TEK: variants seen among roughly 807,000 people sequenced by gnomAD.
TEK encodes TEK receptor tyrosine kinase, also known as angiopoietin-1 receptor.
A neutral mutation model predicts 131.8 loss-of-function variants in TEK; 43 were observed. The observed-to-expected ratio is 0.33, with a 90% confidence interval of 0.26 to 0.42. The LOEUF is 0.42. TEK is among the 10% of genes least tolerant of loss of function. The pLI is 1.00. For missense variants in TEK, 1,162 were observed against 1,384.4 expected, an observed-to-expected ratio of 0.84 and a Z score of 2.55; for synonymous variants, 580 against 491.6, an observed-to-expected ratio of 1.18 and a Z score of -2.38.
rs200778043 is a variant in TEK at position 27,211,186 on chromosome 9, A to T, written c.2687-1521A>T. On this transcript the variant is annotated intron_variant, in intron 16 of 22. Coordinates refer to ENST00000380036, the MANE Select transcript of TEK (RefSeq NM_000459.5). Reference sequence around the variant, plus strand: ...ATATGTATGTGTATATATATATATGAATATATGTATATATATGAATATATG... The same window carrying T: ...ATATGTATGTGTATATATATATATGTATATATGTATATATATGAATATATG... Among the ~76,000 whole-genome samples the T allele has an allele frequency of 5.0e-4, 48 of 95,678 alleles. No individual in the cohort carries two copies. The East Asian group carries it at 9.2e-3, about 18-fold the overall frequency. 62.8% of individuals were successfully genotyped at this position (95,678 alleles called of 152,430 possible).
At position 27,221,611 on chromosome 9, in the gene TEK, C is replaced by G. The variant is rs141519891; in HGVS notation, c.3200+1466C>G. ...GTTCTGCAGCCTCTGCTAGTGATAT[C>G]CAGGCAGACAGGGTCTGGAGTGGAC... On this transcript the variant is annotated intron_variant, in intron 21 of 22. Coordinates refer to ENST00000380036, the MANE Select transcript of TEK (RefSeq NM_000459.5). Among the ~76,000 whole-genome samples, 910 of 152,302 alleles carry G rather than the reference C, an allele frequency of 6.0e-3. 12 individuals carry two copies. The highest frequency in any genetic ancestry group is 0.021 in the African/African-American group (880 of 41,566).
chr9:27,124,469 A>G (rs1413806572), intron 1 of TEK, among the ~76,000 whole-genome samples: 1 of 152,266 alleles, frequency 6.6e-6, no homozygotes, highest in Non-Finnish European at 1.5e-5. Context: ...AGTAGAAACA[A>G]GTAAACAAGT....
intron 1 of TEK, among the ~76,000 whole-genome samples, chr9:27,146,404 A>G (rs1047381338): frequency 6.6e-6 from 1 of 152,060 alleles, no homozygotes; most frequent in Non-Finnish European, 1.5e-5. Context: ...CACCCCAAAA[A>G]TCTTTTTTGT....
chr9:27,208,981 T>G (rs1825502763), intron 15 of TEK, 140 bp from the exon 16 acceptor site: 1 of 696,216 alleles, frequency 1.4e-6, no homozygotes, highest in Admixed American at 2.0e-5. Context: ...GCCGAGAAAC[T>G]CTACTTTAGA....
rs548490147 is a variant in TEK, at chr9:27,123,019, C to T, written c.52+13377C>T. 1.4e-3 allele frequency among the ~76,000 whole-genome samples: 196 copies of T among 136,720 alleles called. 2 individuals carry two copies. The highest frequency in any genetic ancestry group is 2.2e-3 in the Admixed American group (28 of 12,978). 89.7% of individuals were successfully genotyped at this position (136,720 alleles called of 152,430 possible). A position where few individuals can be genotyped will look rare whatever the true frequency, so the allele number is the denominator to read the frequency against. Reference sequence around the variant, plus strand: ...AGTGAGCCGAGATGGCGCCACTGCACTCCAGCCTGGGTGACAGAGCGAGAC... The same window carrying T: ...AGTGAGCCGAGATGGCGCCACTGCATTCCAGCCTGGGTGACAGAGCGAGAC... On this transcript the variant is annotated intron_variant, in intron 1 of 22. Transcript: ENST00000380036.
chr9:27,208,778 C>G (rs961953813), intron 15 of TEK, among the ~76,000 whole-genome samples: 2 of 152,192 alleles, frequency 1.3e-5, no homozygotes, highest in Admixed American at 6.5e-5. Flanking sequence ...GGAGCTTCAA[C>G]AAGAAAACTT....
chr9:27,118,994 C>G (rs1821678050), intron 1 of TEK, among the ~76,000 whole-genome samples: 1 of 152,212 alleles, frequency 6.6e-6, no homozygotes, highest in African/African-American at 2.4e-5. Context: ...GACAGGCACT[C>G]TGATAGCATT....
At chr9:27,137,697 ACT>A (rs1491041512) in intron 1 of TEK, among the ~76,000 whole-genome samples, 5 of 151,974 alleles carry the variant, frequency 3.3e-5, no homozygotes, top group Non-Finnish European at 5.9e-5. Context: ...ACTTCGTTTT[ACT>A]CTCAATTTTA....
At chr9:27,213,722 ACTGTGTGCC>A in intron 18 of TEK, 125 bp downstream of exon 18, 1 of 742,924 alleles carries the variant, frequency 1.3e-6, no homozygotes, top group Non-Finnish European at 2.4e-6. Context: ...CCCAGTAGAT[ACTGTGTGCC>A]CTGGGAAACA....
chr9:27,154,129 A>G (rs939873720), intron 1 of TEK, among the ~76,000 whole-genome samples: 2 of 151,882 alleles, frequency 1.3e-5, no homozygotes, highest in African/African-American at 4.8e-5. Context: ...TCCAGCTGCC[A>G]TTTTTTTCTC....
chr9:27,190,015 C>G (rs1824752662), intron 9 of TEK, among the ~76,000 whole-genome samples: 1 of 152,168 alleles, frequency 6.6e-6, no homozygotes, highest in Admixed American at 6.6e-5. Flanking sequence ...AATTCAGTTT[C>G]TATGATAGCC....
At chr9:27,146,884 C>T (rs1044782726) in intron 1 of TEK, among the ~76,000 whole-genome samples, 9 of 151,962 alleles carry the variant, frequency 5.9e-5, no homozygotes, top group Non-Finnish European at 1.2e-4. Flanking sequence ...TGCCCACCAC[C>T]ACGCCCGGCT....
chr9:27,189,419 G>A (rs1488620863), intron 9 of TEK, among the ~76,000 whole-genome samples: 3 of 152,124 alleles, frequency 2.0e-5, no homozygotes, highest in African/African-American at 4.8e-5. Flanking sequence ...TCTTTGGCGG[G>A]CTGCAACCCA....
At chr9:27,224,220 C>G (rs1826211697) in intron 21 of TEK, among the ~76,000 whole-genome samples, 1 of 151,210 alleles carries the variant, frequency 6.6e-6, no homozygotes, top group African/African-American at 2.4e-5. Context: ...GCAACTATTC[C>G]AAACAATAGA....
chr9:27,171,814 T>C (rs1277904605), intron 4 of TEK, among the ~76,000 whole-genome samples: 3 of 152,174 alleles, frequency 2.0e-5, no homozygotes, highest in Non-Finnish European at 4.4e-5. Flanking sequence ...TTCTGTGGAC[T>C]TGGGAGAAGC....
chr9:27,228,104 T>C, intron 21 of TEK, 102 bp from the exon 22 acceptor site: 1 of 930,806 alleles, frequency 1.1e-6, no homozygotes, highest in East Asian at 2.5e-5. Flanking sequence ...TTAAGCTTCA[T>C]AACCATGCAT....
At chr9:27,139,532 C>G (rs1014213244) in intron 1 of TEK, among the ~76,000 whole-genome samples, 1 of 151,706 alleles carries the variant, frequency 6.6e-6, no homozygotes, top group Non-Finnish European at 1.5e-5. Context: ...ACCATGTTGC[C>G]AGGCTAGTCT....
intron 1 of TEK, among the ~76,000 whole-genome samples, chr9:27,141,777 C>T (rs540401363): frequency 2.0e-5 from 3 of 152,258 alleles, no homozygotes; most frequent in Admixed American, 6.5e-5. Flanking sequence ...GATATACTTC[C>T]ATTACATGAT....
At chr9:27,174,349 G>T (rs1302577180) in intron 6 of TEK, among the ~76,000 whole-genome samples, 1 of 152,158 alleles carries the variant, frequency 6.6e-6, no homozygotes, top group Non-Finnish European at 1.5e-5. Flanking sequence ...GGGCAGAGCA[G>T]TTCAGTAGAA....
Sources: allele counts gnomAD v4.1 joint callset (sites outside exome capture counted in the v4.1 genomes callset), GRCh38; gene constraint gnomAD v4.1.1; transcripts MANE v1.5; gene names NCBI Gene and HGNC (gene_info 2026-07-23, HGNC 2026-07-21).